LARS2: variants seen among roughly 807,000 people sequenced by gnomAD.
LARS2 encodes the protein leucine--tRNA ligase, mitochondrial.
Under a neutral mutation model 116.6 loss-of-function variants are expected in LARS2, and 81 were observed. The observed-to-expected ratio is 0.69, with a 90% CI of 0.58 to 0.84. The LOEUF is 0.84. Among genes scored for constraint, LARS2 ranks in the 40% least tolerant of loss-of-function variants. The pLI is 0.00. For missense variants in LARS2, 968 were observed against 1,114.5 expected (o/e 0.87, Z 1.87); for synonymous variants, 396 against 407.2 (o/e 0.97, Z 0.33).
intron 5 of LARS2, among the ~76,000 whole-genome samples, chr3:45,418,112 C>A (rs983436598): frequency 2.6e-5 from 4 of 152,228 alleles, no homozygotes; most frequent in Non-Finnish European, 5.9e-5. Flanking sequence ...TTCTACTACA[C>A]GTGGGCCAGC....
At position 45,547,696 on chromosome 3, in the gene LARS2, G is replaced by A. The variant is rs1700895805; in HGVS notation, c.*166G>A. 1 of 616,816 alleles carries A rather than the reference G, an allele frequency of 1.6e-6. No individual in the cohort carries two copies. The highest frequency in any genetic ancestry group is 2.7e-6 in the Non-Finnish European group (1 of 364,078). 38.2% of individuals were successfully genotyped at this position (616,816 alleles called of 1,614,324 possible). ...AGTCAACAGTGTGCCTCTGTAGTGT[G>A]GCCTGGTGCTGGGGTGAAGGTGAGC... On this transcript the variant is annotated 3_prime_UTR_variant, in exon 22 of 22. Coordinates refer to ENST00000645846, the MANE Select transcript of LARS2 (RefSeq NM_015340.4).
intron 8 of LARS2, among the ~76,000 whole-genome samples, chr3:45,469,817 T>TC (rs199708383): frequency 0.012 from 1,839 of 149,892 alleles, 29 homozygotes; most frequent in South Asian, 0.073. Context: ...ATATTGTGCC[T>TC]CCCCCCCCAC....
At chr3:45,435,278 A>G (rs2125697191) in intron 6 of LARS2, among the ~76,000 whole-genome samples, 1 of 152,218 alleles carries the variant, frequency 6.6e-6, no homozygotes, top group Admixed American at 6.5e-5. Context: ...TGTGGGCTGC[A>G]CTGATACCAC....
chr3:45,456,490 G>A (rs752449546), intron 7 of LARS2, among the ~76,000 whole-genome samples: 6 of 152,196 alleles, frequency 3.9e-5, no homozygotes, highest in Non-Finnish European at 7.4e-5. Flanking sequence ...GGCTGAGGCA[G>A]GAGAATCACT....
chr3:45,388,809 C>T lies in LARS2; in HGVS notation c.-88+129C>T, dbSNP rs1340008147. 3.3e-5 allele frequency: 5 copies of T among 152,278 alleles called. No individual in the cohort carries two copies. The East Asian group carries it at 7.7e-4, about 23-fold the overall frequency. 9.4% of individuals were successfully genotyped at this position (152,278 alleles called of 1,614,324 possible). A position where few individuals can be genotyped will look rare whatever the true frequency, so the allele number is the denominator to read the frequency against. On this transcript the variant is annotated intron_variant, in intron 1 of 21. Coordinates refer to ENST00000645846, the MANE Select transcript of LARS2 (RefSeq NM_015340.4). Reference sequence around the variant, plus strand: ...GGGCTGGGTTAGGTGGTCCTGGAACCTTGCAGTTTCGAAACTGAAAATATC... The same window carrying T: ...GGGCTGGGTTAGGTGGTCCTGGAACTTTGCAGTTTCGAAACTGAAAATATC...
chr3:45,463,355 A>T (rs183385562), intron 8 of LARS2, among the ~76,000 whole-genome samples: 42 of 152,346 alleles, frequency 2.8e-4, no homozygotes, highest in Admixed American at 2.4e-3. Context: ...GCATGCCTTC[A>T]TGGTGCTTAG....
intron 8 of LARS2, among the ~76,000 whole-genome samples, chr3:45,465,278 G>A (rs1259591721): frequency 2.0e-5 from 3 of 152,134 alleles, no homozygotes; most frequent in East Asian, 1.9e-4. Flanking sequence ...CCTCTCCAGC[G>A]TCTTTTCTCT....
rs138226199 is a variant in LARS2, at chr3:45,451,362, T to C, written c.606+4382T>C. Reference sequence around the variant, plus strand: ...GTCTTACATTTAAGTCTTTAATCTATTTTGAGTTTTTTTTTTATATGGTGA... The same window carrying C: ...GTCTTACATTTAAGTCTTTAATCTACTTTGAGTTTTTTTTTTATATGGTGA... On this transcript the variant is annotated intron_variant, in intron 7 of 21. Transcript: ENST00000645846. 2.4e-3 allele frequency among the ~76,000 whole-genome samples: 361 copies of C among 152,282 alleles called. 4 individuals are homozygous for C. Among genetic ancestry groups the C allele is most frequent in the African/African-American group, 8.3e-3 (344 of 41,570 alleles).
At chr3:45,398,138 G>T (rs1559455021) in intron 3 of LARS2, among the ~76,000 whole-genome samples, 1 of 152,054 alleles carries the variant, frequency 6.6e-6, no homozygotes, top group South Asian at 2.1e-4. Flanking sequence ...CTTCCTTCAG[G>T]CAGCTTAACA....
intron 8 of LARS2, among the ~76,000 whole-genome samples, chr3:45,473,159 A>G (rs1344813348): frequency 1.3e-5 from 2 of 152,208 alleles, no homozygotes; most frequent in Non-Finnish European, 2.9e-5. Flanking sequence ...CTGAATTCAG[A>G]TCAGGAGCAC....
chr3:45,428,052 C>T (rs1698625945), intron 6 of LARS2, among the ~76,000 whole-genome samples: 1 of 151,702 alleles, frequency 6.6e-6, no homozygotes, highest in South Asian at 2.1e-4. Flanking sequence ...AACTCCTGAC[C>T]TCAAGTGATC....
intron 11 of LARS2, among the ~76,000 whole-genome samples, chr3:45,486,501 C>T (rs945566142): frequency 1.3e-5 from 2 of 152,192 alleles, no homozygotes; most frequent in African/African-American, 4.8e-5. Flanking sequence ...TTCCAACATT[C>T]CTACTGTAGA....
intron 7 of LARS2, among the ~76,000 whole-genome samples, chr3:45,452,054 C>T (rs777600422): frequency 3.7e-4 from 57 of 152,098 alleles, no homozygotes; most frequent in Non-Finnish European, 5.7e-4. Context: ...TGCAACTTTA[C>T]TAAATTCATT....
chr3:45,414,205 G>A (rs901116855), intron 4 of LARS2, among the ~76,000 whole-genome samples: 7 of 152,202 alleles, frequency 4.6e-5, no homozygotes, highest in African/African-American at 1.7e-4. Flanking sequence ...AATATAGCTG[G>A]TCATTCAAAG....
At position 45,488,770 on chromosome 3, in the gene LARS2, A is replaced by G. The variant is rs187209664; in HGVS notation, c.1197A>G (p.Glu399=). The change falls in exon 12 of 22, where the codon GAA becomes GAG. Residue 399 remains glutamate (E), a synonymous_variant. Coordinates refer to ENST00000645846, the MANE Select transcript of LARS2 (RefSeq NM_015340.4). The part of the protein sequence containing the change: ...TLGLAYSEVI[E]TLPDGTERLS... ...GCCTGGCCTACTCTGAAGTCATTGA[A>G]ACTTTGCCAGATGGCACAGAGAGAC... 101 of 1,613,926 alleles carry G rather than the reference A, an allele frequency of 6.3e-5. No homozygotes were observed. In the Admixed American group the frequency reaches 1.6e-3, roughly 26 times the overall value.
intron 13 of LARS2, among the ~76,000 whole-genome samples, chr3:45,494,812 G>T (rs900803189): frequency 6.6e-6 from 1 of 152,156 alleles, no homozygotes; most frequent in Non-Finnish European, 1.5e-5. Flanking sequence ...TCATGCCTGT[G>T]ATCCCAGCAC....
chr3:45,435,644 C>T (rs2125697373), intron 6 of LARS2, among the ~76,000 whole-genome samples: 1 of 151,806 alleles, frequency 6.6e-6, no homozygotes, highest in Admixed American at 6.6e-5. Context: ...TTCTTTCTCT[C>T]CTCTCTCTTC....
rs981395988 is a variant in LARS2, at chr3:45,456,290, GAAAT to G, written c.607-2450_607-2447del. On this transcript the variant is annotated intron_variant, in intron 7 of 21. Transcript: ENST00000645846. ...TTGTCAATTAATAATTGTTTTAAAAGAAATAATTAAGACTGGGTGTGGTGACTCA... is the reference window on the plus strand; with the variant it reads ...TTGTCAATTAATAATTGTTTTAAAAGAATTAAGACTGGGTGTGGTGACTCA... Among the ~76,000 whole-genome samples, 116 of 150,602 alleles carry G rather than the reference GAAAT, an allele frequency of 7.7e-4. 1 individual carries two copies. The highest frequency in any genetic ancestry group is 2.7e-3 in the African/African-American group (112 of 41,410).
chr3:45,497,906 CAA>C (rs891566830), intron 14 of LARS2, among the ~76,000 whole-genome samples: 12 of 123,506 alleles, frequency 9.7e-5, no homozygotes, highest in Admixed American at 2.5e-4. Flanking sequence ...GACTTCCTCT[CAA>C]AAAAAAAAAA....
Sources: allele counts gnomAD v4.1 joint callset (sites outside exome capture counted in the v4.1 genomes callset), GRCh38; gene constraint gnomAD v4.1.1; transcripts MANE v1.5; gene names NCBI Gene and HGNC (gene_info 2026-07-23, HGNC 2026-07-21).